The following PREX2 variants were observed in gnomAD, a reference collection of about 807,000 sequenced individuals.
The protein encoded by PREX2 is phosphatidylinositol 3,4,5-trisphosphate-dependent Rac exchanger 2 protein.
In PREX2, 107 loss-of-function variants were observed where a neutral mutation model predicts 203.2. That is an observed-to-expected ratio of 0.53 (90% CI 0.45 to 0.62). PREX2 has a LOEUF of 0.62. PREX2 is among the 20% of genes least tolerant of loss of function. The pLI, the probability that PREX2 is intolerant of heterozygous loss-of-function variation, is 0.00. For missense variants in PREX2, 1,777 were observed against 1,955.9 expected, an observed-to-expected ratio of 0.91 and a Z score of 1.72; for synonymous variants, 672 against 663.6, an observed-to-expected ratio of 1.01 and a Z score of -0.19.
chr8:68,079,262 A>G (rs1809441894), intron 15 of PREX2, among the ~76,000 whole-genome samples: 1 of 152,218 alleles, frequency 6.6e-6, no homozygotes. Flanking sequence ...TGTTAACTCA[A>G]GTTGCCATCC....
At chr8:68,185,844 A>C (rs543762616) in intron 35 of PREX2, among the ~76,000 whole-genome samples, 2 of 148,648 alleles carry the variant, frequency 1.3e-5, no homozygotes, top group South Asian at 4.2e-4. Flanking sequence ...GCCCATATAA[A>C]ATAGTAGCCA....
At chr8:68,132,568 A>G (rs536810364) in intron 31 of PREX2, among the ~76,000 whole-genome samples, 5 of 152,128 alleles carry the variant, frequency 3.3e-5, no homozygotes, top group Non-Finnish European at 7.4e-5. Flanking sequence ...AAACTAAATT[A>G]TGTGTACACA....
chr8:68,003,655 A>G (rs1461796872), intron 1 of PREX2, among the ~76,000 whole-genome samples: 1 of 152,134 alleles, frequency 6.6e-6, no homozygotes, highest in African/African-American at 2.4e-5. Context: ...AAATTCTGTG[A>G]TTTTTATTCA....
At chr8:68,096,653 CA>C (rs1789967270) in intron 21 of PREX2, among the ~76,000 whole-genome samples, 1 of 152,058 alleles carries the variant, frequency 6.6e-6, no homozygotes, top group Non-Finnish European at 1.5e-5. Context: ...AGAAAATATT[CA>C]TACAACATTC....
chr8:68,195,798 T>A (rs1399647002), intron 37 of PREX2, among the ~76,000 whole-genome samples: 3 of 152,244 alleles, frequency 2.0e-5, no homozygotes, highest in South Asian at 4.1e-4. Flanking sequence ...CTACATTAGA[T>A]AGTCAATTTC....
Position 68,182,486 on chromosome 8 carries a change from A to C in PREX2, c.4347-9236A>C, listed in dbSNP as rs780428149. ...TTCAATGTTAATGGAGTTGTAGCTA[A>C]TATTTATAAGCTTAAGAGTAATTCC... On this transcript the variant is annotated intron_variant, in intron 35 of 39. Transcript: ENST00000288368. Among the ~76,000 whole-genome samples, 7 of 152,258 alleles carry C rather than the reference A, an allele frequency of 4.6e-5. No homozygotes were observed. In the South Asian group the frequency reaches 8.3e-4, roughly 18 times the overall value.
intron 35 of PREX2, among the ~76,000 whole-genome samples, chr8:68,169,985 T>C (rs1811843562): frequency 6.6e-6 from 1 of 151,928 alleles, no homozygotes; most frequent in Non-Finnish European, 1.5e-5. Flanking sequence ...TACTAGGAGG[T>C]TAGTAATTCA....
At chr8:68,174,375 C>T (rs76829414) in intron 35 of PREX2, among the ~76,000 whole-genome samples, 2 of 152,090 alleles carry the variant, frequency 1.3e-5, no homozygotes, top group African/African-American at 4.8e-5. Context: ...CTACCTCCCC[C>T]CAACACCAAA....
chr8:68,104,902 C>T (rs1355680194), intron 23 of PREX2, among the ~76,000 whole-genome samples: 2 of 152,224 alleles, frequency 1.3e-5, no homozygotes, highest in Non-Finnish European at 2.9e-5. Context: ...CCTCTCTCCA[C>T]ACCCACCCTG....
At chr8:67,963,130 G>A (rs961620064) in intron 1 of PREX2, among the ~76,000 whole-genome samples, 3 of 152,116 alleles carry the variant, frequency 2.0e-5, no homozygotes, top group African/African-American at 7.2e-5. Flanking sequence ...CTATGTAAAG[G>A]TTCTGGGTAG....
chr8:67,967,244 TAATA>T (rs543091082), intron 1 of PREX2, among the ~76,000 whole-genome samples: 75 of 152,352 alleles, frequency 4.9e-4, no homozygotes, highest in African/African-American at 1.6e-3. Context: ...TGTACATTGC[TAATA>T]AATAAAGTTA....
In PREX2 at chr8:67,968,070, T is replaced by TAA. The variant is rs11377523; in HGVS notation, c.141+15548_141+15549dup. ...CACATGTACCCTAGAACTTAAAGTA[T>TAA]AAAAAAAAAAAAAAGAGTACCTTGC... is the stretch of plus-strand genomic sequence containing the variant. On this transcript the variant is annotated intron_variant, in intron 1 of 39. Coordinates refer to ENST00000288368, the MANE Select transcript of PREX2 (RefSeq NM_024870.4). 4.9e-3 allele frequency among the ~76,000 whole-genome samples: 704 copies of TAA among 142,580 alleles called. 1 individual carries two copies. Among genetic ancestry groups the TAA allele is most frequent in the Admixed American group, 0.012 (167 of 14,366 alleles). The allele number at this position is 142,580 out of a possible 152,430, so 93.5% of individuals were successfully genotyped here.
chr8:68,065,801 A>G (rs1294050034), intron 11 of PREX2, among the ~76,000 whole-genome samples: 1 of 152,186 alleles, frequency 6.6e-6, no homozygotes, highest in Admixed American at 6.5e-5. Context: ...TGAGGTTTTT[A>G]CTTTCTAAAA....
intron 32 of PREX2, among the ~76,000 whole-genome samples, chr8:68,136,984 C>G (rs771873278): frequency 1.3e-5 from 2 of 151,778 alleles, no homozygotes; most frequent in Non-Finnish European, 2.9e-5. Flanking sequence ...CAGCTCACTG[C>G]GACCTCTGGC....
At chr8:68,162,168 C>A (rs1157143412) in intron 35 of PREX2, among the ~76,000 whole-genome samples, 2 of 152,086 alleles carry the variant, frequency 1.3e-5, no homozygotes, top group African/African-American at 4.8e-5. Flanking sequence ...TGGGACACAG[C>A]CAAACCATAT....
rs1224237398 is a variant in PREX2, at chr8:67,980,231, A to T, written c.141+27696A>T. 4.6e-5 allele frequency among the ~76,000 whole-genome samples: 7 copies of T among 152,246 alleles called. No homozygotes were observed. In the South Asian group the frequency reaches 1.5e-3, roughly 32 times the overall value. ...TGTTGGGTAAAGAGGAGAGGGGAAG[A>T]GTGGGGATGAAGTAGGTTACCATTT... is the stretch of plus-strand genomic sequence containing the variant. On this transcript the variant is annotated intron_variant, in intron 1 of 39. Transcript: ENST00000288368.
intron 35 of PREX2, among the ~76,000 whole-genome samples, chr8:68,175,616 AAAG>A (rs915827256): frequency 3.3e-5 from 5 of 152,198 alleles, no homozygotes; most frequent in African/African-American, 1.2e-4. Context: ...CTTGAAAACA[AAAG>A]AAAGTATTTC....
intron 37 of PREX2, among the ~76,000 whole-genome samples, chr8:68,203,798 G>C (rs750691424): frequency 1.4e-4 from 21 of 152,160 alleles, no homozygotes; most frequent in Non-Finnish European, 2.6e-4. Context: ...AATGCACAAA[G>C]TTCTGTTCAG....
intron 37 of PREX2, among the ~76,000 whole-genome samples, chr8:68,209,769 G>A (rs987033361): frequency 6.6e-6 from 1 of 152,110 alleles, no homozygotes; most frequent in Non-Finnish European, 1.5e-5. Context: ...AACTAACCTC[G>A]ATAAGAATGC....
Sources: allele counts gnomAD v4.1 joint callset (sites outside exome capture counted in the v4.1 genomes callset), GRCh38; gene constraint gnomAD v4.1.1; transcripts MANE v1.5; gene names NCBI Gene and HGNC (gene_info 2026-07-23, HGNC 2026-07-21).